The following PUS7 variants were observed in gnomAD, a reference collection of about 807,000 sequenced individuals.
PUS7 encodes pseudouridine synthase 7.
In PUS7, 48 loss-of-function variants were observed where a neutral mutation model predicts 79.8. The ratio of observed to expected loss-of-function variants is 0.60; its 90% CI spans 0.48 to 0.76. The LOEUF is 0.76. Among genes scored for constraint, PUS7 ranks in the 30% least tolerant of loss-of-function variants. The pLI is 0.00. For synonymous variants in PUS7, 286 were observed against 272.2 expected (o/e 1.05, Z -0.50); for missense variants, 729 against 797.6 (o/e 0.91, Z 1.04).
chr7:105,481,277 C>T, intron 8 of PUS7, 100 bp from the exon 9 acceptor site: 1 of 965,908 alleles, frequency 1.0e-6, no homozygotes, highest in Non-Finnish European at 1.5e-6. Context: ...GTCTTTCGTT[C>T]ACTCTCCTGC....
chr7:105,464,831 T>C (rs1823572463), intron 13 of PUS7, among the ~76,000 whole-genome samples: 1 of 148,988 alleles, frequency 6.7e-6, no homozygotes, highest in Admixed American at 6.7e-5. Flanking sequence ...TTTTTTTTTT[T>C]TTTCTGAGAC....
At chr7:105,479,714 G>A (rs2133120330) in intron 9 of PUS7, among the ~76,000 whole-genome samples, 1 of 152,198 alleles carries the variant, frequency 6.6e-6, no homozygotes. Context: ...GTGAGGGAAG[G>A]GGCCCAGGCA....
At chr7:105,470,512 C>T (rs1275560224) in intron 11 of PUS7, 176 bp downstream of exon 11, 1 of 582,036 alleles carries the variant, frequency 1.7e-6, no homozygotes, top group South Asian at 4.9e-5. Flanking sequence ...GCATCCACCC[C>T]CAACATCACC....
At chr7:105,473,683 T>G (rs1361085046) in intron 9 of PUS7, among the ~76,000 whole-genome samples, 2 of 152,096 alleles carry the variant, frequency 1.3e-5, no homozygotes, top group Admixed American at 1.3e-4. Flanking sequence ...CCTCCCAAAG[T>G]GCTGGGATTA....
At chr7:105,520,943 G>A (rs535162386) in intron 1 of PUS7, among the ~76,000 whole-genome samples, 1 of 152,218 alleles carries the variant, frequency 6.6e-6, no homozygotes, top group East Asian at 1.9e-4. Flanking sequence ...AGGAGTTCAA[G>A]GCTGCAGTGA....
At chr7:105,464,199 A>C (rs570924797) in intron 13 of PUS7, among the ~76,000 whole-genome samples, 1 of 152,182 alleles carries the variant, frequency 6.6e-6, no homozygotes, top group South Asian at 2.1e-4. Context: ...GAAGAGGAAA[A>C]TAATGTTTTC....
chr7:105,516,486 C>T (rs968237354), intron 1 of PUS7, among the ~76,000 whole-genome samples: 4 of 151,836 alleles, frequency 2.6e-5, no homozygotes, highest in African/African-American at 9.7e-5. Flanking sequence ...TCTTGTTGCC[C>T]AGGCTGGAGT....
At chr7:105,511,683 C>T (rs953662718) in intron 1 of PUS7, among the ~76,000 whole-genome samples, 2 of 152,062 alleles carry the variant, frequency 1.3e-5, no homozygotes, top group African/African-American at 4.8e-5. Flanking sequence ...ATCGTTTGAA[C>T]CCAGGAGGTA....
intron 6 of PUS7, among the ~76,000 whole-genome samples, chr7:105,492,678 T>C (rs1277089842): frequency 6.6e-6 from 1 of 151,590 alleles, no homozygotes; most frequent in African/African-American, 2.4e-5. Context: ...GCTAATTTTT[T>C]GTATTTTTAG....
intron 12 of PUS7, among the ~76,000 whole-genome samples, chr7:105,465,893 C>T (rs1186838951): frequency 6.6e-6 from 1 of 152,100 alleles, no homozygotes; most frequent in South Asian, 2.1e-4. Flanking sequence ...AGCAGTGGCT[C>T]ACGCCTGTAA....
chr7:105,486,985 C>CAA (rs1824576992), intron 7 of PUS7, among the ~76,000 whole-genome samples: 1 of 151,994 alleles, frequency 6.6e-6, no homozygotes, highest in Admixed American at 6.6e-5. Flanking sequence ...ACTTGAACCT[C>CAA]AGAGGCTGAG....
chr7:105,516,616 G>A (rs1471722672), intron 1 of PUS7, among the ~76,000 whole-genome samples: 1 of 151,958 alleles, frequency 6.6e-6, no homozygotes, highest in Non-Finnish European at 1.5e-5. Context: ...ACCACGCCCA[G>A]CTAATTTTTG....
intron 9 of PUS7, among the ~76,000 whole-genome samples, chr7:105,475,872 A>G (rs1824087752): frequency 6.6e-6 from 1 of 152,110 alleles, no homozygotes; most frequent in Non-Finnish European, 1.5e-5. Context: ...TAACCTCTGT[A>G]AGACACCATT....
intron 14 of PUS7, among the ~76,000 whole-genome samples, chr7:105,460,639 G>A (rs921986339): frequency 1.3e-5 from 2 of 151,730 alleles, no homozygotes; most frequent in Non-Finnish European, 2.9e-5. Flanking sequence ...CGGATCACGA[G>A]GTCAGGAGAT....
Position 105,504,602 on chromosome 7 carries a change from T to G in PUS7, c.585+1353A>C, listed in dbSNP as rs190997185. Among the ~76,000 whole-genome samples the G allele has an allele frequency of 2.3e-3, 343 of 152,326 alleles. 3 individuals carry two copies. Among genetic ancestry groups the G allele is most frequent in the African/African-American group, 7.7e-3 (319 of 41,582 alleles). The stretch of plus-strand genomic sequence containing the variant: ...GCCCATAGTTTATGCCTTTTAAATG[T>G]ACAGACTTTCAGTAGATAGGAAAAC... On this transcript the variant is annotated intron_variant, in intron 4 of 15. Coordinates refer to ENST00000469408, the MANE Select transcript of PUS7 (RefSeq NM_019042.5).
At position 105,482,539 on chromosome 7, in the gene PUS7, A is replaced by G; in HGVS notation, c.921-99T>C. ...TGGAACAGTACAGAAAACAAGATACAGCACACCTATGACCCCCTGAAAGGA... is the reference window on the plus strand; with the variant it reads ...TGGAACAGTACAGAAAACAAGATACGGCACACCTATGACCCCCTGAAAGGA... On this transcript the variant is annotated intron_variant, in intron 7 of 15. Coordinates refer to ENST00000469408, the MANE Select transcript of PUS7 (RefSeq NM_019042.5). 3 of 1,284,390 alleles carry G rather than the reference A, an allele frequency of 2.3e-6. No individual in the cohort carries two copies. In the South Asian group the frequency reaches 4.2e-5, roughly 18 times the overall value. 79.6% of individuals were successfully genotyped at this position (1,284,390 alleles called of 1,614,324 possible).
rs774917635 is a variant in PUS7, at chr7:105,506,313, C to G, written c.399-40G>C. 3.7e-6 allele frequency: 5 copies of G among 1,352,650 alleles called. No individual in the cohort carries two copies. The Admixed American group carries it at 8.9e-5, about 24-fold the overall frequency. The allele number at this position is 1,352,650 out of a possible 1,614,324, so 83.8% of individuals were successfully genotyped here. A position where few individuals can be genotyped will look rare whatever the true frequency, so the allele number is the denominator to read the frequency against. On this transcript the variant is annotated intron_variant, in intron 2 of 15. Transcript: ENST00000469408. ...CATGAACTTTCAGATAATTAACATCCTGTTTTCTATTAATTTTAAGATAAA... is the reference window on the plus strand; with the variant it reads ...CATGAACTTTCAGATAATTAACATCGTGTTTTCTATTAATTTTAAGATAAA...
At chr7:105,488,333 T>C (rs1003995913) in intron 7 of PUS7, among the ~76,000 whole-genome samples, 5 of 152,052 alleles carry the variant, frequency 3.3e-5, no homozygotes, top group Non-Finnish European at 5.9e-5. Context: ...CTGAGGAAGA[T>C]TCTAGGGAAC....
At chr7:105,471,193 A>G (rs567474451) in intron 10 of PUS7, among the ~76,000 whole-genome samples, 7 of 152,328 alleles carry the variant, frequency 4.6e-5, no homozygotes, top group African/African-American at 1.7e-4. Flanking sequence ...TTAAAATTAG[A>G]TAATTTTATC....
Sources: allele counts gnomAD v4.1 joint callset (sites outside exome capture counted in the v4.1 genomes callset), GRCh38; gene constraint gnomAD v4.1.1; transcripts MANE v1.5; gene names NCBI Gene and HGNC (gene_info 2026-07-23, HGNC 2026-07-21).